KCNJ12: variants seen among roughly 807,000 people sequenced by gnomAD.
The protein encoded by KCNJ12 is ATP-sensitive inward rectifier potassium channel 12.
KCNJ12 carries 2 observed loss-of-function variants against 22.3 expected under a neutral mutation model. The ratio of observed to expected loss-of-function variants is 0.09; its 90% CI spans 0.04 to 0.28. The LOEUF (loss-of-function observed/expected upper bound fraction) is 0.28, where lower values mean the gene tolerates loss of function less well. Among genes scored for constraint, KCNJ12 ranks in the 10% least tolerant of loss-of-function variants. The pLI, the probability that KCNJ12 is intolerant of heterozygous loss-of-function variation, is 1.00. For missense variants in KCNJ12, 155 were observed against 633.3 expected, an observed-to-expected ratio of 0.24 and a Z score of 8.11; for synonymous variants, 117 against 261.4, an observed-to-expected ratio of 0.45 and a Z score of 5.33.
chr17:21,385,000 C>T (rs1555558497), intron 1 of KCNJ12, among the ~76,000 whole-genome samples: 3 of 152,130 alleles, frequency 2.0e-5, no homozygotes, highest in Non-Finnish European at 2.9e-5. Flanking sequence ...TGGTCTCGAT[C>T]TCCTGACCTC....
intron 2 of KCNJ12, among the ~76,000 whole-genome samples, chr17:21,411,187 T>A (rs1343790497): frequency 6.6e-6 from 1 of 152,306 alleles, no homozygotes. Flanking sequence ...GCAGTGGGCA[T>A]GGGGCATCCA....
At chr17:21,407,177 C>CATCCATCT (rs1764127879) in intron 1 of KCNJ12, among the ~76,000 whole-genome samples, 1 of 152,308 alleles carries the variant, frequency 6.6e-6, no homozygotes, top group South Asian at 2.1e-4. Context: ...CCCATCCACC[C>CATCCATCT]ATCCATCTAT....
chr17:21,402,406 G>C (rs1490638924), intron 1 of KCNJ12, among the ~76,000 whole-genome samples: 46 of 152,406 alleles, frequency 3.0e-4, no homozygotes, highest in African/African-American at 1.1e-3. Context: ...CATGATGTCA[G>C]CACATAGTAG....
chr17:21,411,388 C>T lies in KCNJ12; in HGVS notation c.-57+2748C>T, dbSNP rs533978206. On this transcript the variant is annotated intron_variant, in intron 2 of 2. Transcript: ENST00000583088. ...AAAGCAGGGATCTCCGGGGGTCTGC[C>T]GGGCCCGTGCTCTCTCCCCACTGCC... Among the ~76,000 whole-genome samples the T allele has an allele frequency of 7.2e-5, 11 of 152,272 alleles. No individual in the cohort carries two copies. The South Asian group carries it at 1.9e-3, about 26-fold the overall frequency.
At chr17:21,391,252 G>A (rs1358475822) in intron 1 of KCNJ12, among the ~76,000 whole-genome samples, 2 of 152,244 alleles carry the variant, frequency 1.3e-5, no homozygotes, top group African/African-American at 4.8e-5. Context: ...CGTGGACATG[G>A]AACACAGGTT....
At chr17:21,379,643 G>C (rs114147379) in intron 1 of KCNJ12, among the ~76,000 whole-genome samples, 1 of 152,234 alleles carries the variant, frequency 6.6e-6, no homozygotes, top group South Asian at 2.1e-4. Flanking sequence ...TGCGGTGGGT[G>C]GGGGCTCAGC....
chr17:21,397,024 C>T (rs1905390505), intron 1 of KCNJ12, among the ~76,000 whole-genome samples: 1 of 152,206 alleles, frequency 6.6e-6, no homozygotes, highest in African/African-American at 2.4e-5. Flanking sequence ...GTGTTTAGCT[C>T]TCTGGGCCTC....
At chr17:21,383,347 C>T (rs999937096) in intron 1 of KCNJ12, among the ~76,000 whole-genome samples, 17 of 152,150 alleles carry the variant, frequency 1.1e-4, no homozygotes, top group South Asian at 4.1e-4. Context: ...CCCTCTGCCT[C>T]GGGGCTCCTG....
intron 1 of KCNJ12, among the ~76,000 whole-genome samples, chr17:21,400,391 CG>C (rs1905536128): frequency 6.6e-6 from 1 of 152,308 alleles, no homozygotes; most frequent in African/African-American, 2.4e-5. Flanking sequence ...TCCCTCCTCC[CG>C]GGTGGTCACA....
At chr17:21,392,957 G>A (rs1216799425) in intron 1 of KCNJ12, among the ~76,000 whole-genome samples, 1 of 152,166 alleles carries the variant, frequency 6.6e-6, no homozygotes, top group Admixed American at 6.5e-5. Flanking sequence ...AGGAAGATGT[G>A]GATAGTGTCC....
intron 2 of KCNJ12, among the ~76,000 whole-genome samples, chr17:21,414,949 G>T (rs1465145824): frequency 1.3e-5 from 2 of 152,308 alleles, no homozygotes; most frequent in African/African-American, 4.8e-5. Flanking sequence ...GAGGCAGAGA[G>T]GCTGGCAAGT....
At chr17:21,401,167 T>G (rs1190849773) in intron 1 of KCNJ12, among the ~76,000 whole-genome samples, 1 of 152,242 alleles carries the variant, frequency 6.6e-6, no homozygotes, top group Non-Finnish European at 1.5e-5. Context: ...CCCCCTTGCC[T>G]TGCCCCCAGG....
chr17:21,412,334 T>G (rs1178711923), intron 2 of KCNJ12, among the ~76,000 whole-genome samples: 2 of 152,284 alleles, frequency 1.3e-5, no homozygotes, highest in Non-Finnish European at 2.9e-5. Flanking sequence ...GGCAGCACCC[T>G]CACCAGTCTG....
At chr17:21,410,283 C>T (rs1170044663) in intron 2 of KCNJ12, among the ~76,000 whole-genome samples, 1 of 152,220 alleles carries the variant, frequency 6.6e-6, no homozygotes, top group Non-Finnish European at 1.5e-5. Context: ...AGCAAGGGCA[C>T]CGGCTCAGAG....
intron 1 of KCNJ12, among the ~76,000 whole-genome samples, chr17:21,389,105 G>A (rs556191026): frequency 2.0e-5 from 3 of 152,324 alleles, no homozygotes; most frequent in East Asian, 3.9e-4. Context: ...GCAGTTGTGC[G>A]GGGAGCTTGC....
chr17:21,378,171 G>C (rs1254790074), intron 1 of KCNJ12, among the ~76,000 whole-genome samples: 1 of 152,206 alleles, frequency 6.6e-6, no homozygotes, highest in Non-Finnish European at 1.5e-5. Context: ...CCCTGGCCGC[G>C]CGGCTGGACC....
At chr17:21,387,080 C>CG (rs1184358876) in intron 1 of KCNJ12, among the ~76,000 whole-genome samples, 1 of 148,794 alleles carries the variant, frequency 6.7e-6, no homozygotes, top group African/African-American at 2.5e-5. Context: ...GGCGTGAACC[C>CG]GGGGGGCGGA....
At chr17:21,414,461 G>A (rs1272481350) in intron 2 of KCNJ12, among the ~76,000 whole-genome samples, 3 of 152,238 alleles carry the variant, frequency 2.0e-5, no homozygotes, top group Admixed American at 6.5e-5. Flanking sequence ...GGTGACGAGA[G>A]GAAGATTCTG....
chr17:21,411,916 G>A (rs1262222192), intron 2 of KCNJ12, among the ~76,000 whole-genome samples: 7 of 152,306 alleles, frequency 4.6e-5, no homozygotes, highest in African/African-American at 1.7e-4. Context: ...GTGGTGCTAG[G>A]GTTTCTATGC....
Sources: gnomAD v4.1 joint callset for allele counts (sites outside exome capture counted in the v4.1 genomes callset) on GRCh38, gnomAD v4.1.1 for gene constraint, MANE v1.5 for transcripts, NCBI Gene and HGNC (gene_info 2026-07-23, HGNC 2026-07-21) for gene names.